The following LMO7 variants were observed in gnomAD, a reference collection of about 807,000 sequenced individuals.
LMO7 encodes LIM domain only protein 7.
LMO7 carries 120 observed loss-of-function variants against 206.5 expected under a neutral mutation model. That is an observed-to-expected ratio of 0.58 (90% CI 0.50 to 0.68). The LOEUF (loss-of-function observed/expected upper bound fraction) is 0.68, where lower values mean the gene tolerates loss of function less well. LMO7 is among the 30% of genes least tolerant of loss of function. LMO7 has a pLI of 0.00. For synonymous variants in LMO7, 706 were observed against 681.5 expected (o/e 1.04, Z -0.56); for missense variants, 1,959 against 1,957.9 (o/e 1.00, Z -0.01).
At chr13:75,761,895 T>C (rs768286686) in intron 4 of LMO7, among the ~76,000 whole-genome samples, 2 of 152,078 alleles carry the variant, frequency 1.3e-5, no homozygotes, top group Non-Finnish European at 1.5e-5. Context: ...ATAATGAAAA[T>C]GGAAAAATCT....
intron 4 of LMO7, among the ~76,000 whole-genome samples, chr13:75,772,214 A>G (rs1315675759): frequency 1.3e-5 from 2 of 152,156 alleles, no homozygotes; most frequent in Admixed American, 1.3e-4. Flanking sequence ...AGGAAGAAAT[A>G]TTCATTAATC....
chr13:75,676,873 C>T (rs1194011341), intron 1 of LMO7, among the ~76,000 whole-genome samples: 2 of 152,076 alleles, frequency 1.3e-5, no homozygotes, highest in Non-Finnish European at 2.9e-5. Context: ...TTTTACCTAT[C>T]GAATGTTCCA....
In LMO7 at chr13:75,805,555, T is replaced by C. The variant is rs1162958582; in HGVS notation, c.991T>C (p.Leu331=). 1.2e-6 allele frequency: 2 copies of C among 1,613,902 alleles called. No individual in the cohort carries two copies. The highest frequency in any genetic ancestry group is 1.3e-5 in the African/African-American group (1 of 74,924). Residue 331 remains leucine, a synonymous_variant, in exon 9 of 31, where the codon TTG becomes CTG. Coordinates refer to ENST00000377534, the MANE Select transcript of LMO7 (RefSeq NM_001306080.2). ...AGGAACTTCAAAGTCCTCTTGTTAT[T>C]TGGAAGAGGAAAAAGCAAAGACAAG... ...VQGTSKSSCY[L]EEEKAKTRSI...
intron 1 of LMO7, among the ~76,000 whole-genome samples, chr13:75,707,020 C>T (rs1240888032): frequency 6.6e-6 from 1 of 151,734 alleles, no homozygotes; most frequent in Admixed American, 6.6e-5. Flanking sequence ...AGAAAAATTA[C>T]CTAGGACAAA....
Position 75,807,121 on chromosome 13 carries a change from GAACA to G in LMO7, c.1197-336_1197-333del, listed in dbSNP as rs144346673. 5.2e-3 allele frequency: 1,074 copies of G among 205,612 alleles called. 9 individuals are homozygous for G. The highest frequency in any genetic ancestry group is 0.02 in the African/African-American group (875 of 43,570). 12.7% of individuals were successfully genotyped at this position (205,612 alleles called of 1,614,324 possible). On this transcript the variant is annotated intron_variant, in intron 9 of 30. Transcript: ENST00000377534. ...GGCGACAGAGTGAGACTCTGTCTCA[GAACA>G]AACAAACAAACAAACAAACAAAAAA... is the stretch of plus-strand genomic sequence containing the variant.
intron 1 of LMO7, among the ~76,000 whole-genome samples, chr13:75,640,519 A>C (rs1429682884): frequency 2.6e-5 from 4 of 152,302 alleles, no homozygotes; most frequent in East Asian, 1.9e-4. Context: ...AAGCCTTCCC[A>C]AAATCGCCAA....
At chr13:75,806,078 A>C in intron 9 of LMO7, 1 of 1,098,732 alleles carries the variant, frequency 9.1e-7, no homozygotes, top group South Asian at 3.3e-5. Context: ...TCAGACTCTG[A>C]GGATGAGGAC....
intron 1 of LMO7, among the ~76,000 whole-genome samples, chr13:75,652,999 G>A (rs558298751): frequency 6.6e-6 from 1 of 152,260 alleles, no homozygotes; most frequent in Non-Finnish European, 1.5e-5. Flanking sequence ...CTTTCTAGAA[G>A]TCAACTCGGG....
chr13:75,840,001 T>C (rs776086751), intron 20 of LMO7, 84 bp from the exon 21 acceptor site: 2 of 1,307,286 alleles, frequency 1.5e-6, no homozygotes, highest in Admixed American at 3.4e-5. Flanking sequence ...CAGCTAATGA[T>C]AGAAGTTTCT....
chr13:75,838,614 T>C (rs1341870646), intron 20 of LMO7, among the ~76,000 whole-genome samples: 2 of 152,218 alleles, frequency 1.3e-5, no homozygotes, highest in Non-Finnish European at 2.9e-5. Context: ...TTTAAAAACC[T>C]GACTTGTTTT....
intron 1 of LMO7, among the ~76,000 whole-genome samples, chr13:75,685,096 C>G (rs542606559): frequency 6.6e-6 from 1 of 152,298 alleles, no homozygotes; most frequent in South Asian, 2.1e-4. Context: ...TTTTCCATAA[C>G]TTTCCAGTTG....
chr13:75,651,335 A>G (rs1381729195), intron 1 of LMO7, among the ~76,000 whole-genome samples: 1 of 143,366 alleles, frequency 7.0e-6, no homozygotes, highest in Admixed American at 7.2e-5. Context: ...TCTGAGACAG[A>G]GTCTCACTTT....
intron 1 of LMO7, among the ~76,000 whole-genome samples, chr13:75,702,904 G>T (rs1284797644): frequency 6.6e-6 from 1 of 152,092 alleles, no homozygotes; most frequent in Non-Finnish European, 1.5e-5. Flanking sequence ...TCTTTAACCT[G>T]GAAAGATTTT....
intron 27 of LMO7, among the ~76,000 whole-genome samples, chr13:75,852,338 G>A (rs1265166905): frequency 6.6e-6 from 1 of 152,184 alleles, no homozygotes. Context: ...TGGCCAACTT[G>A]AGGGTGGAGT....
intron 23 of LMO7, among the ~76,000 whole-genome samples, 177 bp from the exon 24 acceptor site, chr13:75,841,451 T>C (rs980294271): frequency 6.6e-6 from 1 of 152,232 alleles, no homozygotes; most frequent in African/African-American, 2.4e-5. Flanking sequence ...TCTTCTGAGT[T>C]ACATCTCAGT....
At chr13:75,847,165 C>T (rs2139446515) in intron 26 of LMO7, among the ~76,000 whole-genome samples, 1 of 152,114 alleles carries the variant, frequency 6.6e-6, no homozygotes, top group Middle Eastern at 3.4e-3. Flanking sequence ...TGAACCAAGG[C>T]ATAGACAAAC....
chr13:75,724,574 T>C (rs911602183), intron 2 of LMO7, among the ~76,000 whole-genome samples: 3 of 152,166 alleles, frequency 2.0e-5, no homozygotes, highest in Non-Finnish European at 2.9e-5. Context: ...TAGAAGAGTA[T>C]TTCCATAGAT....
At chr13:75,761,839 AC>A (rs2048263298) in intron 4 of LMO7, among the ~76,000 whole-genome samples, 1 of 152,176 alleles carries the variant, frequency 6.6e-6, no homozygotes, top group Admixed American at 6.5e-5. Context: ...AACCTAATTA[AC>A]ATTTTTGCAA....
chr13:75,842,351 T>C lies in LMO7; in HGVS notation c.4031+368T>C, dbSNP rs186019164. 4.1e-3 allele frequency among the ~76,000 whole-genome samples: 627 copies of C among 152,268 alleles called. 6 individuals carry two copies. Among genetic ancestry groups the C allele is most frequent in the Non-Finnish European group, 3.8e-3 (261 of 68,022 alleles). On this transcript the variant is annotated intron_variant, in intron 24 of 30. Coordinates refer to ENST00000377534, the MANE Select transcript of LMO7 (RefSeq NM_001306080.2). ...CTTTTGTATTTTCTAGTTCATCTGC[T>C]TGGAGAAGTCATCAAATGTTTGTGT...
Sources: gnomAD v4.1 joint callset for allele counts (sites outside exome capture counted in the v4.1 genomes callset) on GRCh38, gnomAD v4.1.1 for gene constraint, MANE v1.5 for transcripts, NCBI Gene and HGNC (gene_info 2026-07-23, HGNC 2026-07-21) for gene names.